The following ZBTB44 variants were observed in gnomAD, a reference collection of about 807,000 sequenced individuals.
ZBTB44 encodes zinc finger and BTB domain-containing protein 44.
ZBTB44 carries 15 observed loss-of-function variants against 54.0 expected under a neutral mutation model. The observed-to-expected ratio is 0.28, with a 90% confidence interval of 0.19 to 0.43. The LOEUF is 0.43. ZBTB44 is among the 20% of genes least tolerant of loss of function. ZBTB44 has a pLI of 1.00. For missense variants in ZBTB44, 487 were observed against 707.1 expected (o/e 0.69, Z 3.53); for synonymous variants, 230 against 250.1 (o/e 0.92, Z 0.76).
intron 1 of ZBTB44, among the ~76,000 whole-genome samples, chr11:130,269,980 T>A (rs906501451): frequency 2.6e-5 from 4 of 152,184 alleles, no homozygotes; most frequent in Non-Finnish European, 5.9e-5. Flanking sequence ...CACAGCATTT[T>A]AAAAACCTGT....
chr11:130,305,535 G>A (rs1942220065), intron 1 of ZBTB44, among the ~76,000 whole-genome samples: 1 of 152,124 alleles, frequency 6.6e-6, no homozygotes, highest in African/African-American at 2.4e-5. Context: ...AAACAGTGCT[G>A]GGATAATTGG....
intron 1 of ZBTB44, among the ~76,000 whole-genome samples, chr11:130,311,446 C>T (rs1195723906): frequency 6.6e-6 from 1 of 152,092 alleles, no homozygotes; most frequent in Non-Finnish European, 1.5e-5. Flanking sequence ...TGGGCTCAAG[C>T]AATCCTTCCA....
Position 130,261,706 on chromosome 11 carries a change from A to G in ZBTB44, c.168T>C (p.Phe56=), listed in dbSNP as rs751526904. The change falls in exon 2 of 8, where the codon TTT becomes TTC. Residue 56 remains phenylalanine (F), a synonymous_variant. Coordinates refer to ENST00000357899, the MANE Select transcript of ZBTB44 (RefSeq NM_001301098.2). This position sits in a 1 kb window ranked among gnomAD's most constrained non-coding sequence, Gnocchi z 4.8. The stretch of plus-strand genomic sequence containing the variant: ...CGGCTTGGCCTACAAGTTTGGTGCG[A>G]AAGAAATCACTGCAAGCTGCTAGTA... ...KVVLAACSDF[F]RTKLVGQAED... The G allele has an allele frequency of 6.2e-7, 1 of 1,614,056 alleles. No individual in the cohort carries two copies. The highest frequency in any genetic ancestry group is 1.1e-5 in the South Asian group (1 of 91,090).
At chr11:130,300,589 T>C (rs1045902120) in intron 1 of ZBTB44, among the ~76,000 whole-genome samples, 13 of 151,910 alleles carry the variant, frequency 8.6e-5, no homozygotes, top group Middle Eastern at 3.4e-3. Flanking sequence ...GTGAAAGAGA[T>C]AGATACACAG....
At chr11:130,262,326 A>T (rs1938922787) in intron 1 of ZBTB44, among the ~76,000 whole-genome samples, 1 of 151,998 alleles carries the variant, frequency 6.6e-6, no homozygotes, top group Admixed American at 6.6e-5. Context: ...TTTTGTAGAG[A>T]TGGGGTTTCA....
At chr11:130,272,498 T>C (rs958325358) in intron 1 of ZBTB44, among the ~76,000 whole-genome samples, 4 of 152,180 alleles carry the variant, frequency 2.6e-5, no homozygotes, top group Non-Finnish European at 5.9e-5. Context: ...TAGTTGTGAG[T>C]TGCTTACCAG....
intron 1 of ZBTB44, among the ~76,000 whole-genome samples, chr11:130,289,426 G>T (rs530890711): frequency 8.9e-4 from 132 of 148,980 alleles, no homozygotes; most frequent in Middle Eastern, 7.0e-3. Context: ...AGGTTGCAGT[G>T]AGCCGAGATC....
chr11:130,262,026 C>G, intron 1 of ZBTB44, 97 bp from the exon 2 acceptor site: 1 of 918,516 alleles, frequency 1.1e-6, no homozygotes, highest in South Asian at 1.9e-5. Flanking sequence ...AATTAAAAAG[C>G]TGAAAGATGG....
intron 1 of ZBTB44, among the ~76,000 whole-genome samples, chr11:130,272,282 A>G (rs957213792): frequency 6.6e-6 from 1 of 152,126 alleles, no homozygotes; most frequent in African/African-American, 2.4e-5. Flanking sequence ...CCTCACCAAC[A>G]CTTATGATTC....
chr11:130,291,782 T>G (rs935340174), intron 1 of ZBTB44, among the ~76,000 whole-genome samples: 2 of 152,216 alleles, frequency 1.3e-5, no homozygotes, highest in Non-Finnish European at 2.9e-5. Context: ...CAGCATAGGT[T>G]CTTTAAAAAT....
chr11:130,307,043 TCAAAAAAAAAAAAAATCAAAGAACAAG>T (rs751677595), intron 1 of ZBTB44, among the ~76,000 whole-genome samples: 1 of 109,962 alleles, frequency 9.1e-6, no homozygotes, highest in Admixed American at 9.6e-5. Context: ...CTATCAACAT[TCAAAAAAAAAAAAAATCAAAGAACAAG>T]CAAAAAAAAA....
intron 1 of ZBTB44, among the ~76,000 whole-genome samples, chr11:130,266,759 T>G (rs907996925): frequency 6.6e-6 from 1 of 152,236 alleles, no homozygotes; most frequent in African/African-American, 2.4e-5. Flanking sequence ...TCTGAATTGC[T>G]GCAATCTCAT....
chr11:130,238,391 A>T, intron 4 of ZBTB44, 53 bp downstream of exon 4: 1 of 1,466,718 alleles, frequency 6.8e-7, no homozygotes, highest in Non-Finnish European at 9.0e-7. Context: ...GGGACTGCAA[A>T]ATAAAATGTT....
At chr11:130,264,382 A>C (rs1939100712) in intron 1 of ZBTB44, among the ~76,000 whole-genome samples, 1 of 152,222 alleles carries the variant, frequency 6.6e-6, no homozygotes. Flanking sequence ...AACCACACCT[A>C]ACTCTTCAAC....
chr11:130,267,760 C>G (rs1939361434), intron 1 of ZBTB44, among the ~76,000 whole-genome samples: 2 of 152,048 alleles, frequency 1.3e-5, no homozygotes, highest in Non-Finnish European at 2.9e-5. Context: ...AGCATCACAT[C>G]CTGTAGAGAA....
Position 130,276,242 on chromosome 11 carries a change from A to AAAAAAAG in ZBTB44, c.-56-14314_-56-14313insCTTTTTT, listed in dbSNP as rs59112840. 3.2e-4 allele frequency among the ~76,000 whole-genome samples: 30 copies of AAAAAAAG among 94,456 alleles called. 3 individuals are homozygous for AAAAAAAG. Among genetic ancestry groups the AAAAAAAG allele is most frequent in the Middle Eastern group, 9.6e-3 (1 of 104 alleles). 62.0% of individuals were successfully genotyped at this position (94,456 alleles called of 152,430 possible). A position where few individuals can be genotyped will look rare whatever the true frequency, so the allele number is the denominator to read the frequency against. On this transcript the variant is annotated intron_variant, in intron 1 of 7. Coordinates refer to ENST00000357899, the MANE Select transcript of ZBTB44 (RefSeq NM_001301098.2). The stretch of plus-strand genomic sequence containing the variant: ...CGTGAAACTCTGTCTCAAAAAAAAA[A>AAAAAAAG]AAAAGAAAAAAGAAATCAGAGGTTT...
intron 1 of ZBTB44, among the ~76,000 whole-genome samples, chr11:130,297,738 C>G (rs1185467204): frequency 6.6e-6 from 1 of 152,174 alleles, no homozygotes; most frequent in Non-Finnish European, 1.5e-5. Context: ...CCTACCTATG[C>G]CTGATTTCGA....
At chr11:130,259,905 A>G (rs920718332) in intron 2 of ZBTB44, among the ~76,000 whole-genome samples, 1 of 152,116 alleles carries the variant, frequency 6.6e-6, no homozygotes, top group Non-Finnish European at 1.5e-5. Context: ...ATACCTATGT[A>G]ACAAAACTGA....
At chr11:130,259,811 G>A (rs1276115188) in intron 2 of ZBTB44, among the ~76,000 whole-genome samples, 2 of 151,990 alleles carry the variant, frequency 1.3e-5, no homozygotes, top group Non-Finnish European at 2.9e-5. Flanking sequence ...TGGGGGATGG[G>A]GGGCTAGGGG....
Sources: gnomAD v4.1 joint callset for allele counts (sites outside exome capture counted in the v4.1 genomes callset) on GRCh38, gnomAD v4.1.1 for gene constraint, Gnocchi (gnomAD v3.1) non-coding constraint, MANE v1.5 for transcripts, NCBI Gene and HGNC (gene_info 2026-07-23, HGNC 2026-07-21) for gene names.